Variants in SH3PXD2A observed in about 807,000 individuals in gnomAD.
SH3PXD2A encodes the protein SH3 and PX domain-containing protein 2A.
Under a neutral mutation model 115.2 loss-of-function variants are expected in SH3PXD2A, and 32 were observed. That is an observed-to-expected ratio of 0.28 (90% CI 0.21 to 0.37). The LOEUF (loss-of-function observed/expected upper bound fraction) is 0.37, where lower values mean the gene tolerates loss of function less well. Ranked by LOEUF, SH3PXD2A falls within the 10% of genes least tolerant of loss-of-function variation. The pLI, the probability that SH3PXD2A is intolerant of heterozygous loss-of-function variation, is 1.00. For missense variants in SH3PXD2A, 1,328 were observed against 1,498.7 expected (o/e 0.89, Z 1.88); for synonymous variants, 610 against 629.1 (o/e 0.97, Z 0.45).
intron 2 of SH3PXD2A, among the ~76,000 whole-genome samples, chr10:103,779,472 G>A (rs2038912102): frequency 6.6e-6 from 1 of 152,170 alleles, no homozygotes; most frequent in East Asian, 1.9e-4. Flanking sequence ...CCTGGTGCTG[G>A]AGCAGGGAGG....
intron 1 of SH3PXD2A, among the ~76,000 whole-genome samples, chr10:103,844,029 G>A (rs1202966228): frequency 6.6e-6 from 1 of 152,232 alleles, no homozygotes; most frequent in Admixed American, 6.5e-5. Context: ...ACATGAGGCT[G>A]CTTGCTTCAA....
At chr10:103,676,057 AAAGTT>A (rs1435291686) in intron 6 of SH3PXD2A, among the ~76,000 whole-genome samples, 3 of 152,076 alleles carry the variant, frequency 2.0e-5, no homozygotes, top group Non-Finnish European at 4.4e-5. Context: ...AAAAAAAAGA[AAAGTT>A]AAGGTTCTTT....
intron 2 of SH3PXD2A, among the ~76,000 whole-genome samples, chr10:103,769,181 T>TGTGC (rs1554921417): frequency 1.7e-3 from 187 of 112,958 alleles, no homozygotes; most frequent in Middle Eastern, 5.0e-3. Flanking sequence ...TGTGTGTGTG[T>TGTGC]GCGCGCGCGC....
chr10:103,698,883 T>G (rs1351664252), intron 5 of SH3PXD2A, among the ~76,000 whole-genome samples: 1 of 151,034 alleles, frequency 6.6e-6, no homozygotes, highest in African/African-American at 2.4e-5. Flanking sequence ...GACAAGGGGG[T>G]TTGGATCCAT....
chr10:103,673,721 G>C (rs919546411), intron 6 of SH3PXD2A, among the ~76,000 whole-genome samples: 6 of 152,194 alleles, frequency 3.9e-5, no homozygotes, highest in African/African-American at 7.2e-5. Context: ...CTGGTGTAAA[G>C]CAAGTTCCAT....
In SH3PXD2A at chr10:103,668,592, G is replaced by A. The variant is rs1242545739; in HGVS notation, c.472+16C>T. The A allele has an allele frequency of 5.2e-6, 8 of 1,551,130 alleles. No homozygotes were observed. Among genetic ancestry groups the A allele is most frequent in the Non-Finnish European group, 7.0e-6 (8 of 1,146,244 alleles). On this transcript the variant is annotated intron_variant, in intron 7 of 14. Coordinates refer to ENST00000369774, the MANE Select transcript of SH3PXD2A (RefSeq NM_001394015.1). ...AACACACATGCTCACACACATGCAT[G>A]CACGCTGGGCAGTACCTGTCACGTC...
intron 6 of SH3PXD2A, among the ~76,000 whole-genome samples, chr10:103,692,391 G>A (rs921272387): frequency 7.2e-5 from 11 of 151,762 alleles, no homozygotes; most frequent in African/African-American, 2.7e-4. Context: ...GGGGGGCGGG[G>A]AGGGGGTTGG....
At position 103,602,805 on chromosome 10, in the gene SH3PXD2A, G is replaced by A. The variant is rs772204272; in HGVS notation, c.2413C>T (p.Gln805Ter). 1 of 1,614,182 alleles carries A rather than the reference G, an allele frequency of 6.2e-7. No homozygotes were observed. Among genetic ancestry groups the A allele is most frequent in the African/African-American group, 1.3e-5 (1 of 75,056 alleles). Residue 805 changes from glutamine (Q) to a stop codon, truncating the protein, a stop_gained, in exon 15 of 15, where the codon CAG (glutamine) becomes TAG (stop). Transcript: ENST00000369774. LOFTEE classifies it high-confidence loss of function. ...SKSEDSELPP[Q>*]TASEAPSEGS... ...TCACTGGGAGCCTCGGAGGCCGTCTGCGGGGGCAGCTCCGAATCCTCACTC... is the reference window on the plus strand; with the variant it reads ...TCACTGGGAGCCTCGGAGGCCGTCTACGGGGGCAGCTCCGAATCCTCACTC...
At chr10:103,819,762 G>A (rs1489449088) in intron 1 of SH3PXD2A, among the ~76,000 whole-genome samples, 1 of 152,062 alleles carries the variant, frequency 6.6e-6, no homozygotes, top group African/African-American at 2.4e-5. Flanking sequence ...GGAGCAGGGG[G>A]CAGGCAGGAC....
chr10:103,796,075 G>A (rs2039085371), intron 2 of SH3PXD2A, among the ~76,000 whole-genome samples: 1 of 152,060 alleles, frequency 6.6e-6, no homozygotes, highest in South Asian at 2.1e-4. Context: ...AAGACCATAT[G>A]GGGGCCGGGT....
chr10:103,841,212 A>G lies in SH3PXD2A; in HGVS notation c.72+13983T>C, dbSNP rs2039594674. ...ACTGATCCAGGACGCACCATGATCCAGACCCTCTGCTAGCATGAGGAGGGG... is the reference window on the plus strand; with the variant it reads ...ACTGATCCAGGACGCACCATGATCCGGACCCTCTGCTAGCATGAGGAGGGG... On this transcript the variant is annotated intron_variant, in intron 1 of 14. Transcript: ENST00000369774. Among the ~76,000 whole-genome samples the G allele has an allele frequency of 2.6e-5, 4 of 152,210 alleles. No homozygotes were observed. In the South Asian group the frequency reaches 8.3e-4, roughly 32 times the overall value.
intron 4 of SH3PXD2A, among the ~76,000 whole-genome samples, chr10:103,726,367 G>A (rs1227959515): frequency 6.6e-6 from 1 of 152,186 alleles, no homozygotes; most frequent in African/African-American, 2.4e-5. Flanking sequence ...TCGTCCTCAT[G>A]AGGGCACAAT....
Position 103,602,461 on chromosome 10 carries a change from G to C in SH3PXD2A, c.2757C>G (p.Asn919Lys), listed in dbSNP as rs543627417. 1 of 1,614,126 alleles carries C rather than the reference G, an allele frequency of 6.2e-7. No homozygotes were observed. The highest frequency in any genetic ancestry group is 1.3e-5 in the African/African-American group (1 of 75,034). ...LDTVPAKGRQNEGKSDSLEKI... is the reference protein window; with the variant it reads ...LDTVPAKGRQKEGKSDSLEKI... ...TCTCCAGGCTGTCTGATTTGCCTTC[G>C]TTCTGCCTGCCCTTGGCGGGCACTG... Residue 919 changes from asparagine to lysine, a missense_variant, in exon 15 of 15, where the codon AAC (asparagine) becomes AAG (lysine). Asn to Lys is a moderately conservative substitution (Grantham distance 94). Around this residue, in one of 5 missense-constraint regions of SH3PXD2A, gnomAD observed 574 missense variants for 565.7 expected, o/e 1.01. Transcript: ENST00000369774.
intron 14 of SH3PXD2A, among the ~76,000 whole-genome samples, chr10:103,604,882 G>C (rs1401112292): frequency 1.3e-5 from 2 of 152,228 alleles, no homozygotes; most frequent in Non-Finnish European, 2.9e-5. Context: ...TGGAAATTTA[G>C]TTGCAAGTTC....
intron 2 of SH3PXD2A, among the ~76,000 whole-genome samples, chr10:103,771,098 G>A (rs79140309): frequency 0.021 from 3,207 of 152,214 alleles, 121 homozygotes; most frequent in African/African-American, 0.072. Context: ...AGCAACACGC[G>A]CCCAGGTATG....
At chr10:103,843,650 G>A (rs1268068673) in intron 1 of SH3PXD2A, among the ~76,000 whole-genome samples, 2 of 152,216 alleles carry the variant, frequency 1.3e-5, no homozygotes, top group Non-Finnish European at 2.9e-5. Context: ...GGCTCAGAGG[G>A]AGGGTCACAT....
rs778057875 is a variant in SH3PXD2A, at chr10:103,603,241, T to C, written c.1977A>G (p.Lys659=). ...SLSLTRKNSP[K]SGSPKSSSLL... ...GTGATGATGACTTGGGGGAGCCTGA[T>C]TTGGGGGAGTTTTTCCTGGTCAGGG... Residue 659 remains lysine, a synonymous_variant, in exon 15 of 15, where the codon AAA becomes AAG. Transcript: ENST00000369774. 1.2e-6 allele frequency: 2 copies of C among 1,613,764 alleles called. No homozygotes were observed. Among genetic ancestry groups the C allele is most frequent in the South Asian group, 1.1e-5 (1 of 91,082 alleles).
At chr10:103,841,249 GA>G (rs1382183901) in intron 1 of SH3PXD2A, among the ~76,000 whole-genome samples, 1 of 152,190 alleles carries the variant, frequency 6.6e-6, no homozygotes, top group Non-Finnish European at 1.5e-5. Context: ...CGTTAAAGAT[GA>G]AAGGATGTGG....
chr10:103,674,980 G>T (rs772747968), intron 6 of SH3PXD2A, among the ~76,000 whole-genome samples: 28 of 152,226 alleles, frequency 1.8e-4, no homozygotes, highest in Admixed American at 1.2e-3. Context: ...GTTGTTTAGT[G>T]TGTGAGCTGC....
Sources: allele counts gnomAD v4.1 joint callset (sites outside exome capture counted in the v4.1 genomes callset), GRCh38; gene constraint gnomAD v4.1.1; regional missense constraint gnomAD v4.1.1; transcripts MANE v1.5; gene names NCBI Gene and HGNC (gene_info 2026-07-23, HGNC 2026-07-21).